ROBO2: variants seen among roughly 807,000 people sequenced by gnomAD.
ROBO2 encodes the protein roundabout homolog 2.
In ROBO2, 53 loss-of-function variants were observed where a neutral mutation model predicts 160.8. The ratio of observed to expected loss-of-function variants is 0.33; its 90% CI spans 0.26 to 0.41. The LOEUF (loss-of-function observed/expected upper bound fraction) is 0.41, where lower values mean the gene tolerates loss of function less well. Among genes scored for constraint, ROBO2 ranks in the 10% least tolerant of loss-of-function variants. ROBO2 has a pLI of 1.00. For synonymous variants in ROBO2, 664 were observed against 611.7 expected (o/e 1.09, Z -1.26); for missense variants, 1,577 against 1,722.4 (o/e 0.92, Z 1.49).
intron 1 of ROBO2, among the ~76,000 whole-genome samples, chr3:75,932,246 T>C (rs9831932): frequency 0.14 from 21,928 of 152,174 alleles, 5,161 homozygotes; most frequent in African/African-American, 0.49. Context: ...TACTACTAAA[T>C]CTGAGGAGTT....
At chr3:77,517,120 T>C (rs534775804) in intron 5 of ROBO2, among the ~76,000 whole-genome samples, 150 of 151,570 alleles carry the variant, frequency 9.9e-4, no homozygotes, top group African/African-American at 3.4e-3. Flanking sequence ...ATAAAACGTA[T>C]TAAAAAGTGA....
chr3:76,917,545 A>G (rs2076400530), intron 2 of ROBO2, among the ~76,000 whole-genome samples: 1 of 152,208 alleles, frequency 6.6e-6, no homozygotes, highest in Non-Finnish European at 1.5e-5. Context: ...TTCATGCATT[A>G]AGAGGCCCCA....
intron 2 of ROBO2, among the ~76,000 whole-genome samples, chr3:76,394,615 C>G (rs1029654656): frequency 1.3e-5 from 2 of 151,900 alleles, no homozygotes; most frequent in Non-Finnish European, 2.9e-5. Context: ...TTGCTCTTCT[C>G]GAGGAGTATC....
At chr3:76,075,050 A>G (rs181791638) in intron 2 of ROBO2, among the ~76,000 whole-genome samples, 5 of 152,238 alleles carry the variant, frequency 3.3e-5, no homozygotes, top group East Asian at 3.9e-4. Flanking sequence ...CACAAGTGAT[A>G]ATTTGTGAGA....
chr3:76,024,586 A>G (rs1024969908), intron 2 of ROBO2, among the ~76,000 whole-genome samples: 8 of 151,666 alleles, frequency 5.3e-5, no homozygotes, highest in African/African-American at 1.9e-4. Context: ...TGGAAGCTAT[A>G]TGGAAAGAGT....
chr3:76,732,999 G>GA (rs900884424), intron 2 of ROBO2, among the ~76,000 whole-genome samples: 1 of 141,498 alleles, frequency 7.1e-6, no homozygotes, highest in Non-Finnish European at 1.5e-5. Context: ...GGGGGTGGGG[G>GA]GGGGAGGTGT....
chr3:77,033,785 T>A (rs530568498), intron 2 of ROBO2, among the ~76,000 whole-genome samples: 9 of 152,212 alleles, frequency 5.9e-5, no homozygotes, highest in African/African-American at 1.4e-4. Context: ...CAAAAATTAA[T>A]TTCACATTGA....
rs1393493586 is a variant in ROBO2, at chr3:76,303,532, C to G, written c.109+365930C>G. ...AGGTCCTACACACAACTTGTTGAAT[C>G]AAAACCACAGAGTGGTGTACTAACA... is the stretch of plus-strand genomic sequence containing the variant. On this transcript the variant is annotated intron_variant, in intron 2 of 26. Transcript: ENST00000487694. Among the ~76,000 whole-genome samples the G allele has an allele frequency of 3.3e-5, 5 of 152,040 alleles. No homozygotes were observed. In the East Asian group the frequency reaches 7.7e-4, roughly 23 times the overall value.
chr3:76,135,179 G>A (rs1226098065), intron 2 of ROBO2, among the ~76,000 whole-genome samples: 2 of 151,988 alleles, frequency 1.3e-5, no homozygotes, highest in African/African-American at 2.4e-5. Context: ...TGGCCAGAAC[G>A]CAGTCACATC....
intron 2 of ROBO2, among the ~76,000 whole-genome samples, chr3:76,443,330 T>C (rs1429831141): frequency 6.6e-6 from 1 of 152,020 alleles, no homozygotes; most frequent in African/African-American, 2.4e-5. Context: ...AAATCCAAAA[T>C]GTATCAGTAT....
In ROBO2 at chr3:76,037,096, A is replaced by T. The variant is rs146907705; in HGVS notation, c.109+99494A>T. Among the ~76,000 whole-genome samples, 223 of 152,004 alleles carry T rather than the reference A, an allele frequency of 1.5e-3. 2 individuals carry two copies. The highest frequency in any genetic ancestry group is 2.6e-3 in the Non-Finnish European group (175 of 68,014). On this transcript the variant is annotated intron_variant, in intron 2 of 26. Coordinates refer to the ROBO2 transcript ENST00000487694. The stretch of plus-strand genomic sequence containing the variant: ...CTATATGCTCATCCATCTCCATTGT[A>T]TATCAATAGGCCTTTGAAAATAATC...
At chr3:77,461,121 AAAT>A (rs1436539713) in intron 2 of ROBO2, among the ~76,000 whole-genome samples, 1 of 152,156 alleles carries the variant, frequency 6.6e-6, no homozygotes, top group Non-Finnish European at 1.5e-5. Flanking sequence ...CTGTGGTAAA[AAAT>A]AATATGTTTT....
intron 2 of ROBO2, among the ~76,000 whole-genome samples, chr3:76,799,504 A>AC (rs1391657358): frequency 3.1e-5 from 4 of 130,838 alleles, no homozygotes; most frequent in African/African-American, 1.0e-4. Context: ...ATTAGATCTG[A>AC]CAAAAAAAAA....
Position 77,011,047 on chromosome 3 carries a change from T to TTCCTTTC in ROBO2, c.110-86966_110-86965insCCTTTCT, listed in dbSNP as rs2061867200. On this transcript the variant is annotated intron_variant, in intron 2 of 26. Coordinates refer to the ROBO2 transcript ENST00000487694. The stretch of plus-strand genomic sequence containing the variant: ...TCTGTCGGTTCTTTCTTTTCTTTTC[T>TTCCTTTC]TTCTTTCTTCTTTCTTTCTTTCTTT... 7.5e-5 allele frequency among the ~76,000 whole-genome samples: 6 copies of TTCCTTTC among 79,494 alleles called. No homozygotes were observed. In the Admixed American group the frequency reaches 7.7e-4, roughly 10 times the overall value. The allele number at this position is 79,494 out of a possible 152,430, so 52.2% of individuals were successfully genotyped here. A position where few individuals can be genotyped will look rare whatever the true frequency, so the allele number is the denominator to read the frequency against.
At chr3:76,478,388 A>G (rs2079043884) in intron 2 of ROBO2, among the ~76,000 whole-genome samples, 2 of 151,704 alleles carry the variant, frequency 1.3e-5, no homozygotes, top group African/African-American at 2.4e-5. Context: ...ATAGTATTCC[A>G]TGGTGTATAT....
chr3:77,102,896 A>G (rs989060017), intron 2 of ROBO2, among the ~76,000 whole-genome samples: 1 of 151,414 alleles, frequency 6.6e-6, no homozygotes, highest in Admixed American at 6.6e-5. Context: ...TTTTTGAGTC[A>G]CTTGACCTCA....
chr3:76,483,601 A>G (rs111262660), intron 2 of ROBO2, among the ~76,000 whole-genome samples: 1,533 of 152,262 alleles, frequency 0.01, 23 homozygotes, highest in African/African-American at 0.035. Flanking sequence ...AAGTTACTCT[A>G]ATTCATTCAG....
intron 2 of ROBO2, among the ~76,000 whole-genome samples, chr3:76,786,880 G>T (rs771420254): frequency 8.6e-5 from 13 of 151,354 alleles, no homozygotes; most frequent in Non-Finnish European, 1.6e-4. Context: ...AGAGCTACCT[G>T]ATAAATTTCT....
chr3:77,186,041 A>T (rs2081255273), intron 2 of ROBO2, among the ~76,000 whole-genome samples: 3 of 151,966 alleles, frequency 2.0e-5, no homozygotes, highest in Admixed American at 1.3e-4. Flanking sequence ...AAGGATGGAA[A>T]GGGGATGAAG....
Sources: gnomAD v4.1 joint callset for allele counts (sites outside exome capture counted in the v4.1 genomes callset) on GRCh38, gnomAD v4.1.1 for gene constraint, MANE v1.5 for transcripts, NCBI Gene and HGNC (gene_info 2026-07-23, HGNC 2026-07-21) for gene names.